The following BTG4 variants were observed in gnomAD, a reference collection of about 807,000 sequenced individuals.
BTG4 encodes BTG anti-proliferation factor 4.
BTG4 carries 10 observed loss-of-function variants against 19.3 expected under a neutral mutation model. That is an observed-to-expected ratio of 0.52 (90% CI 0.32 to 0.88). The LOEUF (loss-of-function observed/expected upper bound fraction) is 0.88, where lower values mean the gene tolerates loss of function less well. Ranked by LOEUF, BTG4 falls within the 40% of genes least tolerant of loss-of-function variation. The pLI, the probability that BTG4 is intolerant of heterozygous loss-of-function variation, is 0.04. For synonymous variants in BTG4, 91 were observed against 95.7 expected (o/e 0.95, Z 0.29); for missense variants, 238 against 281.9 (o/e 0.84, Z 1.11).
intron 5 of BTG4, chr11:111,470,093 A>G (rs1863970905): frequency 6.6e-6 from 1 of 152,468 alleles, no homozygotes; most frequent in Admixed American, 6.5e-5. Context: ...CACATATGAC[A>G]ATATTTTTTG....
At chr11:111,410,558 A>T in the BTG4 span, among the ~76,000 whole-genome samples, 1 of 152,234 alleles carries the variant, frequency 6.6e-6, no homozygotes, top group Admixed American at 6.5e-5. Flanking sequence ...GAGAGATAGC[A>T]TGCAATGAGT....
chr11:111,446,982 A>G, the BTG4 span, among the ~76,000 whole-genome samples: 810 of 152,334 alleles, frequency 5.3e-3, 5 homozygotes, highest in Middle Eastern at 0.034. Flanking sequence ...AAAAGAATGT[A>G]GCTCCTGGAA....
At chr11:111,394,903 A>G in the BTG4 span, among the ~76,000 whole-genome samples, 9 of 152,230 alleles carry the variant, frequency 5.9e-5, no homozygotes, top group Admixed American at 5.9e-4. Flanking sequence ...AAAATCATTC[A>G]TTCCACATAT....
chr11:111,496,293 A>T (rs760502832), intron 4 of BTG4, among the ~76,000 whole-genome samples: 1 of 152,216 alleles, frequency 6.6e-6, no homozygotes, highest in Admixed American at 6.5e-5. Context: ...TGAGACTACA[A>T]ATAAATACAA....
At chr11:111,466,492 C>G (rs1349383292), downstream of BTG4, among the ~76,000 whole-genome samples, 1 of 152,112 alleles carries the variant, frequency 6.6e-6, no homozygotes, top group Non-Finnish European at 1.5e-5. Flanking sequence ...TTCTGTGGAC[C>G]CTCATTCTGT....
rs1865783088 is a variant in BTG4, at chr11:111,497,109, T to G, written c.510+102A>C. 4.2e-6 allele frequency: 5 copies of G among 1,196,436 alleles called. No individual in the cohort carries two copies. In the East Asian group the frequency reaches 1.2e-4, roughly 29 times the overall value. The allele number at this position is 1,196,436 out of a possible 1,614,324, so 74.1% of individuals were successfully genotyped here. ...TCTGGCTTTTAAAAATCTACAGTTT[T>G]GTTCTTTCCATGTTTTTTTGCTTCT... On this transcript the variant is annotated intron_variant, in intron 4 of 4. Coordinates refer to ENST00000692032, the MANE Select transcript of BTG4 (RefSeq NM_001367975.1).
upstream of BTG4, chr11:111,513,381 A>G: frequency 1.9e-6 from 1 of 533,424 alleles, no homozygotes; most frequent in Non-Finnish European, 3.8e-6. Context: ...CAACCAATGA[A>G]TTGCCTGCCT....
intron 1 of BTG4, among the ~76,000 whole-genome samples, chr11:111,508,740 A>G (rs1410083052): frequency 2.0e-5 from 3 of 149,852 alleles, no homozygotes; most frequent in African/African-American, 7.3e-5. Context: ...AACCATCTTG[A>G]TATTAAATAA....
intron 4 of BTG4, 148 bp downstream of exon 4, chr11:111,497,063 G>C: frequency 1.4e-6 from 1 of 701,686 alleles, no homozygotes; most frequent in Non-Finnish European, 2.3e-6. Flanking sequence ...GACAGAAAAA[G>C]TTTTGCCAAA....
At chr11:111,439,441 C>G in the BTG4 span, among the ~76,000 whole-genome samples, 24 of 152,126 alleles carry the variant, frequency 1.6e-4, no homozygotes, top group East Asian at 3.1e-3. Context: ...GGAGAAGACA[C>G]CAGCCCAAGG....
the BTG4 span, among the ~76,000 whole-genome samples, chr11:111,452,764 C>T: frequency 6.6e-6 from 1 of 152,186 alleles, no homozygotes; most frequent in Admixed American, 6.5e-5. Flanking sequence ...ATGGAGCTAG[C>T]TAAAGCATGT....
At chr11:111,473,826 A>G (rs1051747074) in intron 5 of BTG4, among the ~76,000 whole-genome samples, 1 of 152,158 alleles carries the variant, frequency 6.6e-6, no homozygotes, top group African/African-American at 2.4e-5. Flanking sequence ...AAGCTGGAGG[A>G]GAACAAAAAG....
chr11:111,498,653 A>G lies in BTG4; in HGVS notation c.124T>C (p.Tyr42His), dbSNP rs1342119035. Residue 42 changes from tyrosine to histidine, a missense_variant, in exon 2 of 5, where the codon TAC (tyrosine) becomes CAC (histidine). Physicochemically the swap from Tyr to His is moderately conservative, Grantham distance 83 (BLOSUM62 2). Coordinates refer to ENST00000692032, the MANE Select transcript of BTG4 (RefSeq NM_001367975.1). Reference protein sequence around the residue: ...EKLMTILFETYRSHWHSDCPS... With the variant: ...EKLMTILFETHRSHWHSDCPS... ...CAATCAGAGTGCCAGTGACTTCTGT[A>G]TGTTTCAAACAAGATCGTCATCAGC... 3 of 1,613,940 alleles carry G rather than the reference A, an allele frequency of 1.9e-6. No individual in the cohort carries two copies. Among genetic ancestry groups the G allele is most frequent in the South Asian group, 1.1e-5 (1 of 91,040 alleles).
At chr11:111,435,584 AG>A in the BTG4 span, among the ~76,000 whole-genome samples, 674 of 152,264 alleles carry the variant, frequency 4.4e-3, 7 homozygotes, top group African/African-American at 0.016. Context: ...CCAGCCCACC[AG>A]GCTTGGCCCT....
chr11:111,432,441 C>T, the BTG4 span, among the ~76,000 whole-genome samples: 11 of 152,094 alleles, frequency 7.2e-5, no homozygotes, highest in Non-Finnish European at 1.3e-4. Context: ...GTCAGGAGTT[C>T]GAGACCAGCC....
chr11:111,446,130 A>C, the BTG4 span, among the ~76,000 whole-genome samples: 1 of 152,210 alleles, frequency 6.6e-6, no homozygotes, highest in Admixed American at 6.5e-5. Flanking sequence ...TACCCAGAGC[A>C]GAAGGAAGGT....
downstream of BTG4, among the ~76,000 whole-genome samples, chr11:111,491,747 A>AG (rs1555114181): frequency 4.7e-5 from 7 of 150,426 alleles, no homozygotes; most frequent in Admixed American, 2.0e-4. Flanking sequence ...AAAAAAAAAA[A>AG]AAAGAAAGAA....
the BTG4 span, among the ~76,000 whole-genome samples, chr11:111,386,653 A>G: frequency 2.6e-5 from 4 of 152,320 alleles, no homozygotes; most frequent in South Asian, 8.3e-4. Context: ...AAGGTTAAGA[A>G]CCACTGTTTA....
At chr11:111,475,589 G>A (rs1864353752) in intron 5 of BTG4, among the ~76,000 whole-genome samples, 1 of 152,030 alleles carries the variant, frequency 6.6e-6, no homozygotes, top group Non-Finnish European at 1.5e-5. Context: ...TGAAAGTGAA[G>A]TTTTGGAGTG....
Sources: allele counts gnomAD v4.1 joint callset (sites outside exome capture counted in the v4.1 genomes callset), GRCh38; gene constraint gnomAD v4.1.1; transcripts MANE v1.5; gene names NCBI Gene and HGNC (gene_info 2026-07-23, HGNC 2026-07-21).